Variants in ENTREP2 observed in about 807,000 individuals in gnomAD.
The protein encoded by ENTREP2 is protein ENTREP2.
At chr15:29,155,100 G>A in the ENTREP2 span, among the ~76,000 whole-genome samples, 1 of 148,772 alleles carries the variant, frequency 6.7e-6, no homozygotes, top group Non-Finnish European at 1.5e-5. Flanking sequence ...GGCTAACACG[G>A]TGAAACCCCG....
the ENTREP2 span, among the ~76,000 whole-genome samples, chr15:29,547,320 C>T: frequency 3.3e-5 from 5 of 151,908 alleles, no homozygotes; most frequent in Non-Finnish European, 2.9e-5. Context: ...AAACTCCTGA[C>T]GTTGTGATCC....
the ENTREP2 span, among the ~76,000 whole-genome samples, chr15:29,133,993 C>T: frequency 6.6e-6 from 1 of 152,146 alleles, no homozygotes; most frequent in Admixed American, 6.5e-5. Context: ...CAGCCCCACT[C>T]CCTGCACCTC....
At chr15:29,249,885 G>A in the ENTREP2 span, among the ~76,000 whole-genome samples, 47 of 152,194 alleles carry the variant, frequency 3.1e-4, no homozygotes, top group African/African-American at 1.0e-3. Flanking sequence ...AGAAAGTCAC[G>A]TGGCCAGAGC....
the ENTREP2 span, among the ~76,000 whole-genome samples, chr15:29,163,833 G>A: frequency 1.3e-5 from 2 of 152,284 alleles, no homozygotes; most frequent in South Asian, 2.1e-4. Flanking sequence ...GAAATTCATT[G>A]CAAAAAGATC....
chr15:29,305,954 C>T, the ENTREP2 span, among the ~76,000 whole-genome samples: 1 of 152,220 alleles, frequency 6.6e-6, no homozygotes, highest in Non-Finnish European at 1.5e-5. Flanking sequence ...GCTAAAGAAG[C>T]AGCCAGTGAG....
the ENTREP2 span, among the ~76,000 whole-genome samples, chr15:29,216,705 C>G: frequency 4.6e-5 from 7 of 152,270 alleles, no homozygotes; most frequent in South Asian, 4.1e-4. Flanking sequence ...CTTTCTTCTT[C>G]CTATTGACTC....
chr15:29,190,163 A>G, the ENTREP2 span, among the ~76,000 whole-genome samples: 3 of 152,064 alleles, frequency 2.0e-5, no homozygotes, highest in South Asian at 2.1e-4. Flanking sequence ...CAGCCTTCAC[A>G]CCTGCACCAT....
chr15:29,328,335 G>A, the ENTREP2 span, among the ~76,000 whole-genome samples: 1 of 152,282 alleles, frequency 6.6e-6, no homozygotes. Flanking sequence ...CTATTTTTAT[G>A]ATATGTAATT....
At chr15:29,443,830 C>T in the ENTREP2 span, among the ~76,000 whole-genome samples, 4 of 151,888 alleles carry the variant, frequency 2.6e-5, no homozygotes, top group Non-Finnish European at 5.9e-5. Context: ...AGGGGCCGGG[C>T]GCGGTGGCTC....
chr15:29,624,709 A>G, the ENTREP2 span, among the ~76,000 whole-genome samples: 1 of 152,208 alleles, frequency 6.6e-6, no homozygotes, highest in African/African-American at 2.4e-5. Context: ...ACTTGTAAAA[A>G]TAAGAAATAG....
At chr15:29,289,249 C>A in the ENTREP2 span, among the ~76,000 whole-genome samples, 2 of 151,010 alleles carry the variant, frequency 1.3e-5, no homozygotes, top group Non-Finnish European at 3.0e-5. Context: ...GCACATAACA[C>A]AATGGAACAT....
At chr15:29,583,946 T>C in the ENTREP2 span, among the ~76,000 whole-genome samples, 4 of 152,202 alleles carry the variant, frequency 2.6e-5, no homozygotes, top group East Asian at 1.9e-4. Flanking sequence ...GAAGAAAATA[T>C]AGGTGTACAT....
chr15:29,594,027 T>A, the ENTREP2 span, among the ~76,000 whole-genome samples: 5 of 152,200 alleles, frequency 3.3e-5, no homozygotes, highest in African/African-American at 9.7e-5. Context: ...GGAAACTGGA[T>A]GAAGGGTACA....
chr15:29,404,233 C>A, the ENTREP2 span, among the ~76,000 whole-genome samples: 2 of 152,050 alleles, frequency 1.3e-5, no homozygotes, highest in Non-Finnish European at 2.9e-5. Flanking sequence ...TCAGTCTATG[C>A]CCCTCACTCA....
At chr15:29,604,094 T>C in the ENTREP2 span, among the ~76,000 whole-genome samples, 9 of 152,142 alleles carry the variant, frequency 5.9e-5, no homozygotes, top group Non-Finnish European at 1.3e-4. Context: ...ATCCCTAATA[T>C]GCAAAGGAGT....
the ENTREP2 span, among the ~76,000 whole-genome samples, chr15:29,232,473 T>A: frequency 6.6e-6 from 1 of 151,792 alleles, no homozygotes; most frequent in Non-Finnish European, 1.5e-5. Context: ...CCTTCTTTTT[T>A]TTTTTAAAGA....
the ENTREP2 span, among the ~76,000 whole-genome samples, chr15:29,516,067 C>T: frequency 6.6e-6 from 1 of 152,114 alleles, no homozygotes; most frequent in East Asian, 1.9e-4. Flanking sequence ...TTAAATGTTG[C>T]TGCATATTAG....
the ENTREP2 span, chr15:29,126,405 G>C: frequency 1.3e-6 from 2 of 1,548,816 alleles, no homozygotes; most frequent in Non-Finnish European, 1.7e-6. Context: ...GAGGGTGCTG[G>C]GGCGCCCACA....
the ENTREP2 span, among the ~76,000 whole-genome samples, chr15:29,549,730 C>G: frequency 4.3e-4 from 66 of 152,324 alleles, no homozygotes; most frequent in Admixed American, 1.4e-3. Context: ...ACCCCTCAGG[C>G]TCTCCTATGA....
Sources: gnomAD v4.1 joint callset for allele counts (sites outside exome capture counted in the v4.1 genomes callset) on GRCh38, gnomAD v4.1.1 for gene constraint, MANE v1.5 for transcripts, NCBI Gene and HGNC (gene_info 2026-07-23, HGNC 2026-07-21) for gene names.